Variants in PRCC observed in about 807,000 individuals in gnomAD.
PRCC encodes proline rich mitotic checkpoint control factor.
Under a neutral mutation model 44.0 loss-of-function variants are expected in PRCC, and 10 were observed. The ratio of observed to expected loss-of-function variants is 0.23; its 90% CI spans 0.14 to 0.39. The LOEUF is 0.39. Among genes scored for constraint, PRCC ranks in the 10% least tolerant of loss-of-function variants. PRCC has a pLI of 1.00. For missense variants in PRCC, 573 were observed against 624.7 expected (o/e 0.92, Z 0.88); for synonymous variants, 278 against 259.5 (o/e 1.07, Z -0.69).
intron 1 of PRCC, among the ~76,000 whole-genome samples, chr1:156,779,062 GT>G (rs1651931807): frequency 7.7e-6 from 1 of 129,888 alleles, no homozygotes; most frequent in Admixed American, 8.1e-5. Flanking sequence ...GCCTCCCAAA[GT>G]GCTGGGATTA....
intron 5 of PRCC, among the ~76,000 whole-genome samples, chr1:156,795,638 G>A (rs1652638589): frequency 6.6e-6 from 1 of 152,130 alleles, no homozygotes; most frequent in African/African-American, 2.4e-5. Flanking sequence ...TTTTTGAGGT[G>A]TGGGCACAAC....
At chr1:156,800,270 T>C (rs1185966713) in intron 6 of PRCC, 104 bp from the exon 7 acceptor site, 2 of 1,098,410 alleles carry the variant, frequency 1.8e-6, no homozygotes, top group Non-Finnish European at 2.7e-6. Context: ...CCATAATCGT[T>C]TTGATAGGAG....
chr1:156,791,660 C>G, intron 3 of PRCC, 37 bp from the exon 4 acceptor site: 11 of 1,581,618 alleles, frequency 7.0e-6, no homozygotes, highest in Non-Finnish European at 9.5e-6. Flanking sequence ...CAACTGTGCC[C>G]TCAGTTGGTG....
At position 156,768,093 on chromosome 1, in the gene PRCC, C is replaced by T. The variant is rs1027928960; in HGVS notation, c.322C>T (p.Leu108=). The T allele has an allele frequency of 1.3e-6, 2 of 1,587,732 alleles. No homozygotes were observed. The highest frequency in any genetic ancestry group is 1.7e-6 in the Non-Finnish European group (2 of 1,166,934). The part of the protein sequence containing the change: ...PAEAAGVGEG[L]GLGLPSPRGP... ...TGAAGCGGCGGGAGTTGGGGAGGGACTGGGATTGGGGTTGCCCTCGCCCCG... is the reference window on the plus strand; with the variant it reads ...TGAAGCGGCGGGAGTTGGGGAGGGATTGGGATTGGGGTTGCCCTCGCCCCG... The change falls in exon 1 of 7, where the codon CTG becomes TTG. Residue 108 remains leucine (L), a synonymous_variant. Transcript: ENST00000271526.
chr1:156,789,571 G>A (rs1558052893), intron 3 of PRCC, among the ~76,000 whole-genome samples: 1 of 152,144 alleles, frequency 6.6e-6, no homozygotes, highest in Non-Finnish European at 1.5e-5. Context: ...TGGGGCCAAG[G>A]AGGAAAGAAG....
At chr1:156,791,450 G>A (rs1390320756) in intron 3 of PRCC, 4 of 534,486 alleles carry the variant, frequency 7.5e-6, no homozygotes, top group Non-Finnish European at 1.3e-5. Flanking sequence ...TTTGTTTCTT[G>A]TTACCCTTTC....
At chr1:156,780,275 T>C (rs1214539589) in intron 1 of PRCC, among the ~76,000 whole-genome samples, 2 of 151,650 alleles carry the variant, frequency 1.3e-5, no homozygotes, top group African/African-American at 4.8e-5. Flanking sequence ...TCTGGGCTGG[T>C]CTCAAACTCC....
At chr1:156,798,739 C>T (rs1652746649) in intron 6 of PRCC, among the ~76,000 whole-genome samples, 1 of 151,262 alleles carries the variant, frequency 6.6e-6, no homozygotes, top group Admixed American at 6.6e-5. Flanking sequence ...ATTCCAGCTA[C>T]TCAGGAGGCT....
chr1:156,779,279 C>T (rs1031383403), intron 1 of PRCC, among the ~76,000 whole-genome samples: 28 of 149,606 alleles, frequency 1.9e-4, no homozygotes, highest in Non-Finnish European at 3.7e-4. Context: ...CTCAGCCTCC[C>T]TAGTAGTTAG....
At chr1:156,786,461 C>A in intron 2 of PRCC, 147 bp from the exon 3 acceptor site, 1 of 808,916 alleles carries the variant, frequency 1.2e-6, no homozygotes. Flanking sequence ...ATTAGGTGGT[C>A]TGAGTGGACG....
At chr1:156,800,229 T>C (rs565019657) in intron 6 of PRCC, 145 bp from the exon 7 acceptor site, 1 of 655,648 alleles carries the variant, frequency 1.5e-6, no homozygotes, top group African/African-American at 1.8e-5. Context: ...CCTTTTACTT[T>C]GATAAGTCTT....
chr1:156,770,488 C>T, intron 1 of PRCC, among the ~76,000 whole-genome samples: 1 of 152,264 alleles, frequency 6.6e-6, no homozygotes, highest in African/African-American at 2.4e-5. Flanking sequence ...GATTCTCCTG[C>T]ATCAGCCTCC....
intron 1 of PRCC, among the ~76,000 whole-genome samples, chr1:156,779,515 G>A (rs983188523): frequency 1.6e-5 from 2 of 121,506 alleles, no homozygotes; most frequent in Admixed American, 9.2e-5. Flanking sequence ...ACAGGCAAAG[G>A]TGCCCGCCAT....
chr1:156,786,487 C>T, intron 2 of PRCC, 121 bp from the exon 3 acceptor site: 1 of 1,049,136 alleles, frequency 9.5e-7, no homozygotes, highest in East Asian at 2.5e-5. Context: ...AAGGAAGAAA[C>T]AAGGGCTGGT....
chr1:156,782,015 C>G (rs908828628), intron 1 of PRCC, among the ~76,000 whole-genome samples: 11 of 152,238 alleles, frequency 7.2e-5, no homozygotes, highest in African/African-American at 2.4e-4. Flanking sequence ...GAAATTGATG[C>G]CAAAAAGGCT....
At chr1:156,782,856 G>A (rs939023886) in intron 2 of PRCC, among the ~76,000 whole-genome samples, 9 of 152,132 alleles carry the variant, frequency 5.9e-5, no homozygotes, top group African/African-American at 1.7e-4. Flanking sequence ...CCCAAGATCA[G>A]ACAACTAGTG....
Position 156,787,035 on chromosome 1 carries a change from A to G in PRCC, c.944A>G (p.Asp315Gly). ...GAACCAGAGCCGGCTTTCCAGGACG[A>G]TGCAGCCAATGCCCCCCTTGAATTC... ...GTEPEPAFQD[D>G]AANAPLEFKM... Residue 315 changes from aspartate (D) to glycine (G), a missense_variant, in exon 3 of 7, where the codon GAT becomes GGT. Physicochemically the swap from Asp to Gly is moderately conservative, Grantham distance 94 (BLOSUM62 -1). Transcript: ENST00000271526. 6.2e-7 allele frequency: 1 copy of G among 1,614,228 alleles called. No homozygotes were observed.
At chr1:156,799,667 C>G (rs1303825989) in intron 6 of PRCC, among the ~76,000 whole-genome samples, 2 of 152,184 alleles carry the variant, frequency 1.3e-5, no homozygotes, top group African/African-American at 4.8e-5. Flanking sequence ...TAAACTCAAT[C>G]TCTTAACCCC....
intron 5 of PRCC, chr1:156,796,077 A>G (rs927819266): frequency 1.3e-5 from 2 of 152,194 alleles, no homozygotes; most frequent in Non-Finnish European, 2.9e-5. Flanking sequence ...ATCAGCATAG[A>G]TCCATCACTG....
Sources: gnomAD v4.1 joint callset for allele counts (sites outside exome capture counted in the v4.1 genomes callset) on GRCh38, gnomAD v4.1.1 for gene constraint, MANE v1.5 for transcripts, NCBI Gene and HGNC (gene_info 2026-07-23, HGNC 2026-07-21) for gene names.